The following RAD51B variants were observed in gnomAD, a reference collection of about 807,000 sequenced individuals.
RAD51B encodes DNA repair protein RAD51 homolog 2.
Under a neutral mutation model 42.2 loss-of-function variants are expected in RAD51B, and 38 were observed. The ratio of observed to expected loss-of-function variants is 0.90; its 90% CI spans 0.70 to 1.18. RAD51B has a LOEUF of 1.18. RAD51B is among the 50% of genes most tolerant of loss of function. The pLI, the probability that RAD51B is intolerant of heterozygous loss-of-function variation, is 0.00. For synonymous variants in RAD51B, 154 were observed against 145.2 expected (o/e 1.06, Z -0.43); for missense variants, 373 against 400.7 (o/e 0.93, Z 0.59).
chr14:68,023,965 C>T (rs765776726), intron 7 of RAD51B, among the ~76,000 whole-genome samples: 4 of 152,088 alleles, frequency 2.6e-5, no homozygotes, highest in African/African-American at 7.2e-5. Context: ...TCTTCTAAGA[C>T]GTTTATAGTT....
Position 68,565,108 on chromosome 14 carries a change from C to T in RAD51B, c.1037-29377C>T, listed in dbSNP as rs1410128568. 1.3e-5 allele frequency among the ~76,000 whole-genome samples: 2 copies of T among 152,236 alleles called. No homozygotes were observed. Among genetic ancestry groups the T allele is most frequent in the Non-Finnish European group, 2.9e-5 (2 of 68,044 alleles). On this transcript the variant is annotated intron_variant, in intron 10 of 10. Transcript: ENST00000487270. This position sits in a 1 kb window ranked among gnomAD's most constrained non-coding sequence, Gnocchi z 4.1. ...ATACACACACACACATACACACACA[C>T]ACACCCCACATGCACACAACACAAA...
At chr14:68,306,319 G>C (rs1404295958) in intron 8 of RAD51B, among the ~76,000 whole-genome samples, 1 of 152,184 alleles carries the variant, frequency 6.6e-6, no homozygotes, top group East Asian at 1.9e-4. Context: ...TCAAGTTCAG[G>C]TAATCACCTT....
chr14:68,467,963 T>C (rs538190248), intron 9 of RAD51B, among the ~76,000 whole-genome samples: 1 of 152,304 alleles, frequency 6.6e-6, no homozygotes, highest in South Asian at 2.1e-4. Context: ...ACAGAATAGT[T>C]GGAATAAGCA....
At position 68,658,109 on chromosome 14, in the gene RAD51B, C is replaced by A. The variant is rs1892854551; in HGVS notation, c.*11+7253C>A. ...AGAAGCGCATCGCCACTGCACAACT[C>A]CGACAGGAGCACCAGGGACCATGAA... On this transcript the variant is annotated intron_variant, in intron 11 of 11. Coordinates refer to the RAD51B transcript ENST00000488612. Among the ~76,000 whole-genome samples the A allele has an allele frequency of 8.5e-5, 13 of 152,364 alleles. 1 individual carries two copies. In the South Asian group the frequency reaches 2.5e-3, roughly 29 times the overall value.
chr14:68,335,226 G>A (rs2082427383), intron 8 of RAD51B, among the ~76,000 whole-genome samples: 1 of 148,144 alleles, frequency 6.8e-6, no homozygotes, highest in South Asian at 2.1e-4. Context: ...GAACCCAGGA[G>A]GTGGAGGTTG....
chr14:68,383,421 C>A (rs559320907), intron 8 of RAD51B, among the ~76,000 whole-genome samples: 1 of 152,170 alleles, frequency 6.6e-6, no homozygotes, highest in African/African-American at 2.4e-5. Context: ...CAAGACTTAT[C>A]CAGCCCAAAG....
chr14:68,622,909 G>T (rs1008542909), intron 10 of RAD51B, among the ~76,000 whole-genome samples: 3 of 152,054 alleles, frequency 2.0e-5, no homozygotes, highest in Non-Finnish European at 2.9e-5. Context: ...CCCTCAGACT[G>T]CACCATGGAG....
chr14:68,447,330 C>T (rs1012534727), intron 9 of RAD51B, among the ~76,000 whole-genome samples: 2 of 152,068 alleles, frequency 1.3e-5, no homozygotes, highest in Admixed American at 6.6e-5. Context: ...GAGTTTATTC[C>T]CCCATTAAGT....
At chr14:68,282,095 C>T (rs999335594) in intron 7 of RAD51B, among the ~76,000 whole-genome samples, 2 of 152,130 alleles carry the variant, frequency 1.3e-5, no homozygotes, top group Non-Finnish European at 2.9e-5. Flanking sequence ...GATTCTCCTG[C>T]CTCAGCCTCC....
At chr14:68,548,498 T>A (rs1432121499) in intron 10 of RAD51B, among the ~76,000 whole-genome samples, 4 of 152,236 alleles carry the variant, frequency 2.6e-5, no homozygotes, top group Non-Finnish European at 4.4e-5. Context: ...TTTGATTTAC[T>A]CCGCAGGAGC....
chr14:68,035,557 G>A (rs914684447), intron 7 of RAD51B, among the ~76,000 whole-genome samples: 6 of 152,138 alleles, frequency 3.9e-5, no homozygotes, highest in Non-Finnish European at 8.8e-5. Context: ...CTCTTTCAGA[G>A]AGAAGATTCA....
chr14:68,369,144 T>A (rs2083201855), intron 8 of RAD51B, among the ~76,000 whole-genome samples: 1 of 152,222 alleles, frequency 6.6e-6, no homozygotes, highest in African/African-American at 2.4e-5. Context: ...CATGGTTCCA[T>A]ATTGACATTA....
At chr14:67,862,344 A>G (rs555988541) in intron 4 of RAD51B, among the ~76,000 whole-genome samples, 4 of 152,126 alleles carry the variant, frequency 2.6e-5, no homozygotes, top group African/African-American at 9.6e-5. Flanking sequence ...GTAGAAATTC[A>G]TCAAACTGCT....
At chr14:68,615,810 T>C (rs887389808), downstream of RAD51B, among the ~76,000 whole-genome samples, 2 of 152,336 alleles carry the variant, frequency 1.3e-5, no homozygotes, top group South Asian at 4.1e-4. Context: ...ACTATTTGTG[T>C]TTTTATATTT....
intron 9 of RAD51B, among the ~76,000 whole-genome samples, chr14:68,431,638 CTCTTT>C (rs1459565143): frequency 2.0e-5 from 3 of 152,076 alleles, no homozygotes; most frequent in East Asian, 1.9e-4. Flanking sequence ...TGATTCTTCT[CTCTTT>C]TCTTCTTTAT....
rs1204817902 is a variant in RAD51B at position 68,136,575 on chromosome 14, C to CAAAAAAAA, written c.757-155290_757-155283dup. On this transcript the variant is annotated intron_variant, in intron 7 of 10. Transcript: ENST00000471583. ...TGTGGTGACAAATGAGACTCCATCT[C>CAAAAAAAA]AAAAAAAAAAAAAAAAAAAAAAAAA... 3.1e-3 allele frequency among the ~76,000 whole-genome samples: 14 copies of CAAAAAAAA among 4,452 alleles called. 1 individual carries two copies. Among genetic ancestry groups the CAAAAAAAA allele is most frequent in the African/African-American group, 4.9e-3 (14 of 2,834 alleles). 2.9% of individuals were successfully genotyped at this position (4,452 alleles called of 152,430 possible). A position where few individuals can be genotyped will look rare whatever the true frequency, so the allele number is the denominator to read the frequency against.
chr14:67,910,973 G>A (rs1340505511), intron 7 of RAD51B, among the ~76,000 whole-genome samples: 1 of 151,912 alleles, frequency 6.6e-6, no homozygotes, highest in African/African-American at 2.4e-5. Flanking sequence ...CACCACACCC[G>A]GCTAATTTTT....
At chr14:68,557,998 C>G (rs927256071) in intron 10 of RAD51B, among the ~76,000 whole-genome samples, 8 of 152,146 alleles carry the variant, frequency 5.3e-5, no homozygotes, top group African/African-American at 1.4e-4. Flanking sequence ...AAAAAGAAAA[C>G]TCTCTAACAG....
chr14:68,401,439 G>C (rs1056712359), intron 8 of RAD51B, among the ~76,000 whole-genome samples: 1 of 152,110 alleles, frequency 6.6e-6, no homozygotes, highest in African/African-American at 2.4e-5. Flanking sequence ...GCTCACCCCC[G>C]CTTCTCCCCT....
Sources: allele counts gnomAD v4.1 joint callset (sites outside exome capture counted in the v4.1 genomes callset), GRCh38; gene constraint gnomAD v4.1.1; non-coding constraint Gnocchi (gnomAD v3.1); transcripts MANE v1.5; gene names NCBI Gene and HGNC (gene_info 2026-07-23, HGNC 2026-07-21).